ATG3: variants seen among roughly 807,000 people sequenced by gnomAD.
ATG3 encodes ubiquitin-like-conjugating enzyme ATG3.
In ATG3, 25 loss-of-function variants were observed where a neutral mutation model predicts 50.7. That is an observed-to-expected ratio of 0.49 (90% CI 0.36 to 0.69). The LOEUF (loss-of-function observed/expected upper bound fraction) is 0.69. Ranked by LOEUF, ATG3 falls within the 30% of genes least tolerant of loss-of-function variation. The probability of loss-of-function intolerance (pLI) is 0.00; values close to 1 mark genes in which losing one functional copy is unlikely to be tolerated. For missense variants in ATG3, 281 were observed against 376.0 expected, an observed-to-expected ratio of 0.75 and a Z score of 2.09; for synonymous variants, 119 against 125.5, an observed-to-expected ratio of 0.95 and a Z score of 0.34.
chr3:112,557,950 G>A (rs1933734566), intron 2 of ATG3, among the ~76,000 whole-genome samples: 1 of 152,070 alleles, frequency 6.6e-6, no homozygotes, highest in East Asian at 1.9e-4. Flanking sequence ...CACCGACAAC[G>A]AAATAGAACT....
At chr3:112,554,545 C>T (rs994709454) in intron 2 of ATG3, among the ~76,000 whole-genome samples, 2 of 152,178 alleles carry the variant, frequency 1.3e-5, no homozygotes, top group Non-Finnish European at 2.9e-5. Context: ...GGACTCAGCC[C>T]GCCTGCACCC....
chr3:112,544,982 A>C (rs1174644362), intron 5 of ATG3, among the ~76,000 whole-genome samples: 5 of 152,162 alleles, frequency 3.3e-5, no homozygotes, highest in East Asian at 1.9e-4. Context: ...AGGGATACTC[A>C]ATCTGTTTGT....
chr3:112,532,886 C>A, intron 11 of ATG3, 106 bp from the exon 12 acceptor site: 1 of 1,328,774 alleles, frequency 7.5e-7, no homozygotes, highest in South Asian at 2.0e-5. Context: ...CAAAAAAACC[C>A]CACAAAATCT....
rs1162603969 is a variant in ATG3 at position 112,532,702 on chromosome 3, C to T, written c.942G>A (p.Met314Ile). The stretch of plus-strand genomic sequence containing the variant: ...GATAGATTTTATGCTCTCTTCATTA[C>T]ATTGTGAAGTGTCTTGTGTAGTCAT... ...IEYDYTRHFTM is the reference protein window; with the variant it reads ...IEYDYTRHFTI The change falls in exon 12 of 12, where the codon ATG becomes ATA. Residue 314 changes from methionine (M) to isoleucine (I), a missense_variant. Met to Ile is a conservative substitution (Grantham distance 10, BLOSUM62 1). Around this residue, in one of 3 missense-constraint regions of ATG3, gnomAD observed 242 missense variants for 305.0 expected, o/e 0.79. Coordinates refer to ENST00000283290, the MANE Select transcript of ATG3 (RefSeq NM_022488.5). The T allele has an allele frequency of 1.3e-6, 2 of 1,579,704 alleles. No homozygotes were observed. The highest frequency in any genetic ancestry group is 1.2e-5 in the South Asian group (1 of 85,948).
chr3:112,543,814 G>A (rs1433583781), intron 6 of ATG3, among the ~76,000 whole-genome samples: 2 of 152,074 alleles, frequency 1.3e-5, no homozygotes, highest in Non-Finnish European at 2.9e-5. Flanking sequence ...TCTAAAAGCT[G>A]TTTTACTTAA....
intron 3 of ATG3, among the ~76,000 whole-genome samples, chr3:112,552,021 T>C (rs1221598554): frequency 6.6e-6 from 1 of 152,156 alleles, no homozygotes; most frequent in Non-Finnish European, 1.5e-5. Context: ...ACACGGTAAG[T>C]ATTAAAATGC....
intron 9 of ATG3, among the ~76,000 whole-genome samples, chr3:112,537,262 A>G (rs1933093084): frequency 1.3e-5 from 2 of 152,206 alleles, no homozygotes; most frequent in East Asian, 1.9e-4. Context: ...ATGTATAGCC[A>G]TAAGAATGAC....
chr3:112,536,221 C>T, intron 10 of ATG3: 2 of 375,264 alleles, frequency 5.3e-6, no homozygotes, highest in Non-Finnish European at 9.8e-6. Flanking sequence ...CACAAAGATC[C>T]ATCTATTCTA....
chr3:112,547,376 T>C (rs1306253453), intron 5 of ATG3, among the ~76,000 whole-genome samples: 1 of 152,148 alleles, frequency 6.6e-6, no homozygotes, highest in Non-Finnish European at 1.5e-5. Flanking sequence ...TTAGAGCACA[T>C]TTTCCATTCC....
intron 7 of ATG3, 40 bp from the exon 8 acceptor site, chr3:112,538,220 T>A (rs1933127708): frequency 6.8e-7 from 1 of 1,467,322 alleles, no homozygotes; most frequent in East Asian, 2.3e-5. Context: ...CAAGTTCAAG[T>A]TCAAGAAAAT....
intron 9 of ATG3, chr3:112,537,518 ATTTCTG>A (rs1933103236): frequency 2.7e-6 from 1 of 372,316 alleles, no homozygotes; most frequent in South Asian, 1.0e-4. Context: ...GTAATAGATT[ATTTCTG>A]TTTATGTCTT....
intron 5 of ATG3, 75 bp downstream of exon 5, chr3:112,548,458 A>G: frequency 7.9e-7 from 1 of 1,269,678 alleles, no homozygotes; most frequent in Non-Finnish European, 1.1e-6. Flanking sequence ...CCTCTTTTTT[A>G]AATCAAGGCT....
intron 5 of ATG3, among the ~76,000 whole-genome samples, chr3:112,547,517 T>A (rs1933400913): frequency 6.6e-6 from 1 of 152,254 alleles, no homozygotes; most frequent in African/African-American, 2.4e-5. Flanking sequence ...GCACATTTTC[T>A]TCATCAAAAC....
intron 7 of ATG3, among the ~76,000 whole-genome samples, chr3:112,538,842 C>T (rs2107370727): frequency 6.6e-6 from 1 of 152,280 alleles, no homozygotes; most frequent in South Asian, 2.1e-4. Context: ...TATTTTACGT[C>T]TCTACTAAAT....
chr3:112,549,563 C>A (rs955957914), intron 4 of ATG3, among the ~76,000 whole-genome samples: 4 of 152,094 alleles, frequency 2.6e-5, no homozygotes, highest in African/African-American at 9.7e-5. Flanking sequence ...AATCCCAGCA[C>A]TTTGGGAGGC....
rs559024048 is a variant in ATG3, at chr3:112,534,129, T to C, written c.863+140A>G. 1.4e-3 allele frequency: 1,931 copies of C among 1,417,182 alleles called. 4 individuals are homozygous for C. The highest frequency in any genetic ancestry group is 1.7e-3 in the Non-Finnish European group (1,845 of 1,089,468). 87.8% of individuals were successfully genotyped at this position (1,417,182 alleles called of 1,614,324 possible). ...CACAATATAACATTTTCTAAATAAA[T>C]GAAAGACTTCTACTAGGATTTTCAG... On this transcript the variant is annotated intron_variant, in intron 11 of 11. Coordinates refer to ENST00000283290, the MANE Select transcript of ATG3 (RefSeq NM_022488.5).
At chr3:112,544,556 A>G (rs1933320152) in intron 5 of ATG3, among the ~76,000 whole-genome samples, 1 of 149,692 alleles carries the variant, frequency 6.7e-6, no homozygotes, top group Non-Finnish European at 1.5e-5. Flanking sequence ...TGGGAGGCTG[A>G]GACAGGAGAA....
At chr3:112,551,080 C>G (rs1933512625) in intron 3 of ATG3, among the ~76,000 whole-genome samples, 1 of 152,188 alleles carries the variant, frequency 6.6e-6, no homozygotes, top group Admixed American at 6.5e-5. Flanking sequence ...CTGAGCTGCT[C>G]TGGCACCTCT....
intron 7 of ATG3, among the ~76,000 whole-genome samples, chr3:112,538,546 C>T (rs1033485403): frequency 1.3e-5 from 2 of 152,192 alleles, no homozygotes; most frequent in Admixed American, 6.5e-5. Flanking sequence ...ATGATTTAGT[C>T]CCTTCTCCTT....
Sources: allele counts gnomAD v4.1 joint callset (sites outside exome capture counted in the v4.1 genomes callset), GRCh38; gene constraint gnomAD v4.1.1; regional missense constraint gnomAD v4.1.1; transcripts MANE v1.5; gene names NCBI Gene and HGNC (gene_info 2026-07-23, HGNC 2026-07-21).